Variants in ANXA13 observed in about 807,000 individuals in gnomAD.
ANXA13 encodes the protein annexin A13.
In ANXA13, 36 loss-of-function variants were observed where a neutral mutation model predicts 46.6. The observed-to-expected ratio is 0.77, with a 90% confidence interval of 0.59 to 1.02. The LOEUF (loss-of-function observed/expected upper bound fraction) is 1.02. ANXA13 is among the 50% of genes least tolerant of loss of function. The probability of loss-of-function intolerance (pLI) is 0.00; values close to 1 mark genes in which losing one functional copy is unlikely to be tolerated. For missense variants in ANXA13, 417 were observed against 396.5 expected (o/e 1.05, Z -0.44); for synonymous variants, 163 against 152.9 (o/e 1.07, Z -0.49).
At chr8:123,682,342 G>A (rs1250606863) in intron 10 of ANXA13, among the ~76,000 whole-genome samples, 1 of 152,192 alleles carries the variant, frequency 6.6e-6, no homozygotes, top group Non-Finnish European at 1.5e-5. Context: ...TAGCAAAGGA[G>A]ACGATACTTG....
At chr8:123,683,004 G>A (rs540457570) in intron 10 of ANXA13, among the ~76,000 whole-genome samples, 198 of 152,286 alleles carry the variant, frequency 1.3e-3, no homozygotes, top group Non-Finnish European at 2.3e-3. Flanking sequence ...TCTTCATTGT[G>A]TTCAACCTGT....
intron 2 of ANXA13, among the ~76,000 whole-genome samples, chr8:123,704,409 AT>A (rs140997651): frequency 1.0e-3 from 149 of 145,860 alleles, no homozygotes; most frequent in Admixed American, 1.8e-3. Context: ...GTCGGGAATT[AT>A]TTTTTTTTTT....
At chr8:123,722,121 A>G (rs1813886242) in intron 1 of ANXA13, among the ~76,000 whole-genome samples, 1 of 152,156 alleles carries the variant, frequency 6.6e-6, no homozygotes, top group Admixed American at 6.6e-5. Context: ...CCTGGGCAAC[A>G]TAATGAGACC....
intron 2 of ANXA13, among the ~76,000 whole-genome samples, chr8:123,703,082 T>C (rs1813474985): frequency 6.6e-6 from 1 of 152,204 alleles, no homozygotes. Context: ...TTACTCATAA[T>C]AGCTCAAACG....
intron 10 of ANXA13, among the ~76,000 whole-genome samples, chr8:123,681,919 C>G (rs1813047129): frequency 6.6e-6 from 1 of 152,158 alleles, no homozygotes; most frequent in African/African-American, 2.4e-5. Context: ...GCCACCGTGC[C>G]TGGCCCTAAA....
In ANXA13 at chr8:123,684,666, TC is replaced by T; in HGVS notation, c.774del (p.Met258IlefsTer11). ...DYFAERLYKS[M>X]KGAGTDEETL... ...GTCTCCTCATCGGTCCCCGCACCCTTCATCGACTTGTACAGACGTTCAGCAA... is the reference window on the plus strand; with the variant it reads ...GTCTCCTCATCGGTCCCCGCACCCTTATCGACTTGTACAGACGTTCAGCAA... On this transcript the variant is annotated frameshift_variant, in exon 10 of 11. Transcript: ENST00000419625. LOFTEE classifies it high-confidence loss of function. 2 of 1,614,216 alleles carry T rather than the reference TC, an allele frequency of 1.2e-6. No homozygotes were observed. The highest frequency in any genetic ancestry group is 1.7e-6 in the Non-Finnish European group (2 of 1,180,020).
intron 10 of ANXA13, among the ~76,000 whole-genome samples, chr8:123,683,422 C>T (rs1201183988): frequency 8.5e-6 from 1 of 118,052 alleles, no homozygotes; most frequent in South Asian, 2.9e-4. Context: ...TTCATTTAAC[C>T]ACTTTTTTTT....
In ANXA13 at chr8:123,680,897, T is replaced by C. The variant is rs916985219; in HGVS notation, c.*343A>G. ...AATTTTGTCTTTCCTGTACCTTACT[T>C]GTGTGATGCATATCCTTCTAAATGT... On this transcript the variant is annotated 3_prime_UTR_variant, in exon 11 of 11. Coordinates refer to ENST00000419625, the MANE Select transcript of ANXA13 (RefSeq NM_004306.4). 5.1e-6 allele frequency: 1 copy of C among 196,558 alleles called. No homozygotes were observed. Among genetic ancestry groups the C allele is most frequent in the South Asian group, 1.6e-4 (1 of 6,150 alleles). The allele number at this position is 196,558 out of a possible 1,614,324, so 12.2% of individuals were successfully genotyped here. A position where few individuals can be genotyped will look rare whatever the true frequency, so the allele number is the denominator to read the frequency against.
chr8:123,696,132 T>G (rs909599789), intron 4 of ANXA13, among the ~76,000 whole-genome samples: 1 of 152,050 alleles, frequency 6.6e-6, no homozygotes, highest in Non-Finnish European at 1.5e-5. Context: ...TGTATATATA[T>G]GTGCTACTGA....
chr8:123,718,595 G>A (rs1450984919), intron 1 of ANXA13, among the ~76,000 whole-genome samples: 1 of 152,224 alleles, frequency 6.6e-6, no homozygotes, highest in South Asian at 2.1e-4. Context: ...ACTGCCTGGT[G>A]CATGAACAAG....
rs777800831 is a variant in ANXA13, at chr8:123,681,297, C to A, written c.894G>T (p.Met298Ile). Residue 298 changes from methionine (M) to isoleucine (I), a missense_variant, in exon 11 of 11, where the codon ATG (methionine) becomes ATT (isoleucine). Met to Ile is a conservative substitution (Grantham distance 10). Transcript: ENST00000419625. Reference sequence around the variant, plus strand: ...AGTCCCCGGAGGTATCTGAGCGAACCATGTCAGAGAGAGACTTCTGATACT... The same window carrying A: ...AGTCCCCGGAGGTATCTGAGCGAACAATGTCAGAGAGAGACTTCTGATACT... ...QEKYQKSLSD[M>I]VRSDTSGDFR... The A allele has an allele frequency of 6.2e-7, 1 of 1,614,168 alleles. No individual in the cohort carries two copies. The highest frequency in any genetic ancestry group is 1.1e-5 in the South Asian group (1 of 91,082).
intron 9 of ANXA13, among the ~76,000 whole-genome samples, chr8:123,686,772 G>A (rs1813147432): frequency 6.6e-6 from 1 of 152,186 alleles, no homozygotes; most frequent in South Asian, 2.1e-4. Context: ...TGTGGTGGGA[G>A]CCATTTGACC....
chr8:123,708,494 G>A (rs898119077), intron 2 of ANXA13, among the ~76,000 whole-genome samples: 1 of 152,172 alleles, frequency 6.6e-6, no homozygotes, highest in Non-Finnish European at 1.5e-5. Flanking sequence ...CCCCGCTCTG[G>A]TGCTTAAGGG....
chr8:123,688,283 C>A (rs547993647), intron 9 of ANXA13, among the ~76,000 whole-genome samples: 1 of 152,176 alleles, frequency 6.6e-6, no homozygotes, highest in Admixed American at 6.5e-5. Context: ...TTTCCTCTTT[C>A]GCTTGGGTCT....
chr8:123,708,378 C>T (rs559009882), intron 2 of ANXA13, among the ~76,000 whole-genome samples: 190 of 152,314 alleles, frequency 1.2e-3, no homozygotes, highest in African/African-American at 4.4e-3. Flanking sequence ...GGGAAGCCCC[C>T]AGGCCCTTGT....
chr8:123,707,718 A>G (rs1813565671), intron 2 of ANXA13, among the ~76,000 whole-genome samples: 1 of 152,062 alleles, frequency 6.6e-6, no homozygotes, highest in African/African-American at 2.4e-5. Flanking sequence ...AAGGGGAGGG[A>G]TAGCATTAGG....
chr8:123,688,576 G>A (rs551410097), intron 9 of ANXA13, among the ~76,000 whole-genome samples: 1 of 152,230 alleles, frequency 6.6e-6, no homozygotes, highest in African/African-American at 2.4e-5. Context: ...GAGCTGGCTT[G>A]CCCAAAGTTG....
intron 2 of ANXA13, among the ~76,000 whole-genome samples, chr8:123,703,763 T>C (rs1421294287): frequency 1.3e-5 from 2 of 152,128 alleles, no homozygotes; most frequent in African/African-American, 4.8e-5. Flanking sequence ...CTCAAAGTAA[T>C]ACAAGCTCAT....
intron 1 of ANXA13, among the ~76,000 whole-genome samples, chr8:123,725,747 T>C (rs1383038079): frequency 6.6e-6 from 1 of 152,232 alleles, no homozygotes; most frequent in Non-Finnish European, 1.5e-5. Context: ...TATTTCATCA[T>C]GTAGTTATTG....
Sources: gnomAD v4.1 joint callset for allele counts (sites outside exome capture counted in the v4.1 genomes callset) on GRCh38, gnomAD v4.1.1 for gene constraint, MANE v1.5 for transcripts, NCBI Gene and HGNC (gene_info 2026-07-23, HGNC 2026-07-21) for gene names.